Variants in LTBP2 observed in about 807,000 individuals in gnomAD.
LTBP2 encodes latent-transforming growth factor beta-binding protein 2.
In LTBP2, 103 loss-of-function variants were observed where a neutral mutation model predicts 210.6. That is an observed-to-expected ratio of 0.49 (90% CI 0.42 to 0.58). The LOEUF (loss-of-function observed/expected upper bound fraction) is 0.58, where lower values mean the gene tolerates loss of function less well. LTBP2 is among the 20% of genes least tolerant of loss of function. The pLI, the probability that LTBP2 is intolerant of heterozygous loss-of-function variation, is 0.00. For missense variants in LTBP2, 2,313 were observed against 2,494.5 expected, an observed-to-expected ratio of 0.93 and a Z score of 1.55; for synonymous variants, 1,007 against 1,015.0, an observed-to-expected ratio of 0.99 and a Z score of 0.15.
chr14:74,588,944 T>C lies in LTBP2; in HGVS notation c.566-2826A>G, dbSNP rs143041017. On this transcript the variant is annotated intron_variant, in intron 2 of 35. Transcript: ENST00000261978. ...CCCAGAAGGGTGGGCATGGTTCTTCTTCTTCCTCTCTACTATTTCTGAGCC... is the reference window on the plus strand; with the variant it reads ...CCCAGAAGGGTGGGCATGGTTCTTCCTCTTCCTCTCTACTATTTCTGAGCC... 8.3e-3 allele frequency among the ~76,000 whole-genome samples: 1,259 copies of C among 152,302 alleles called. 19 individuals carry two copies. The highest frequency in any genetic ancestry group is 0.025 in the African/African-American group (1,055 of 41,548).
At chr14:74,546,413 C>T (rs1280855624) in intron 8 of LTBP2, among the ~76,000 whole-genome samples, 1 of 152,222 alleles carries the variant, frequency 6.6e-6, no homozygotes, top group Non-Finnish European at 1.5e-5. Context: ...AAGCGAGGTG[C>T]CTGGCACTCT....
chr14:74,579,969 G>A (rs937140561), intron 3 of LTBP2, among the ~76,000 whole-genome samples: 2 of 152,220 alleles, frequency 1.3e-5, no homozygotes, highest in African/African-American at 4.8e-5. Context: ...ATGCTACAAT[G>A]GGCTGAGTCA....
chr14:74,529,450 G>A (rs1257218611), intron 10 of LTBP2, among the ~76,000 whole-genome samples: 2 of 152,306 alleles, frequency 1.3e-5, no homozygotes, highest in Non-Finnish European at 2.9e-5. Context: ...AAGGCCCCAC[G>A]TGTCCCTAGG....
intron 10 of LTBP2, among the ~76,000 whole-genome samples, chr14:74,531,994 C>T (rs1201520628): frequency 6.6e-6 from 1 of 152,180 alleles, no homozygotes; most frequent in Non-Finnish European, 1.5e-5. Flanking sequence ...GCCCTCGGGT[C>T]GGGCAGCAGC....
rs752213527 is a variant in LTBP2 at position 74,507,990 on chromosome 14, T to C, written c.3758A>G (p.Glu1253Gly). The change falls in exon 25 of 36, where the codon GAG becomes GGG. Residue 1253 changes from glutamate (E) to glycine (G), a missense_variant. Physicochemically the swap from Glu to Gly is moderately conservative, Grantham distance 98 (BLOSUM62 -2). Around this residue, in one of 3 missense-constraint regions of LTBP2, gnomAD observed 1,867 missense variants for 1,976.9 expected, o/e 0.94. Transcript: ENST00000261978. ...GCCCTTACCCACACACTCTCCACTC[T>C]CTGGGGAGGGCTGGAAGCCAGTCTC... is the stretch of plus-strand genomic sequence containing the variant. ...LCETGFQPSP[E>G]SGECVDIDEC... The C allele has an allele frequency of 1.2e-6, 2 of 1,613,620 alleles. No individual in the cohort carries two copies. Among genetic ancestry groups the C allele is most frequent in the Non-Finnish European group, 1.7e-6 (2 of 1,179,998 alleles).
At position 74,567,505 on chromosome 14, in the gene LTBP2, G is replaced by A. The variant is rs370747732; in HGVS notation, c.831-11812C>T. On this transcript the variant is annotated intron_variant, in intron 3 of 35. Transcript: ENST00000261978. ...CCCTGAGAGGTTCTCAGGGCTCCAGGAAATGCCCCTCATTTTCTCCCTAGC... is the reference window on the plus strand; with the variant it reads ...CCCTGAGAGGTTCTCAGGGCTCCAGAAAATGCCCCTCATTTTCTCCCTAGC... Among the ~76,000 whole-genome samples the A allele has an allele frequency of 7.9e-5, 12 of 152,218 alleles. No individual in the cohort carries two copies. The South Asian group carries it at 2.3e-3, about 29-fold the overall frequency.
In LTBP2 at chr14:74,585,866, G is replaced by C. The variant is rs143282840; in HGVS notation, c.818C>G (p.Ser273Trp). 2.4e-5 allele frequency: 38 copies of C among 1,613,172 alleles called. 1 individual carries two copies. In the South Asian group the frequency reaches 3.6e-4, roughly 15 times the overall value. The change falls in exon 3 of 36, where the codon TCG (serine) becomes TGG (tryptophan). Residue 273 changes from serine (S) to tryptophan (W), a missense_variant. This residue lies in a region of LTBP2 where 1,867 missense variants were observed against 1,976.9 expected (regional missense o/e 0.94). Transcript: ENST00000261978. ...PAPQSPPAPQ[S>W]PPAGTLSGLS... Reference sequence around the variant, plus strand: ...GAAGGGGACTTACCCAGCTGGTGGCGACTGTGGTGCGGGCGGCGACTGTGG... The same window carrying C: ...GAAGGGGACTTACCCAGCTGGTGGCCACTGTGGTGCGGGCGGCGACTGTGG...
Position 74,509,377 on chromosome 14 carries a change from G to GCGCTCGCC in LTBP2, c.3278-22_3278-15dup. On this transcript the variant is annotated splice_polypyrimidine_tract_variant and intron_variant, in intron 21 of 35. Transcript: ENST00000261978. ...ACTCATCTAGGTCTGCAGACAGACA[G>GCGCTCGCC]CGCTCGCCCGGGGACCTAGGAGGGC... The GCGCTCGCC allele has an allele frequency of 1.2e-6, 2 of 1,612,672 alleles. No individual in the cohort carries two copies. The highest frequency in any genetic ancestry group is 1.7e-6 in the Non-Finnish European group (2 of 1,179,728).
At chr14:74,555,411 GC>G in intron 4 of LTBP2, 91 bp downstream of exon 4, 1 of 1,286,494 alleles carries the variant, frequency 7.8e-7, no homozygotes, top group Non-Finnish European at 1.1e-6. Context: ...TGACAACTCA[GC>G]CCCTCTGTGA....
At chr14:74,516,761 C>G in intron 18 of LTBP2, 61 bp downstream of exon 18, 1 of 1,471,644 alleles carries the variant, frequency 6.8e-7, no homozygotes, top group Non-Finnish European at 9.1e-7. Flanking sequence ...GTGGGCAGTG[C>G]GTAGGGAGGG....
rs777206129 is a variant in LTBP2, at chr14:74,534,639, A to G, written c.1864+1287T>C. 6.6e-4 allele frequency among the ~76,000 whole-genome samples: 101 copies of G among 152,118 alleles called. 1 individual carries two copies. The highest frequency in any genetic ancestry group is 2.2e-3 in the Admixed American group (34 of 15,272). ...CTGATTGTTCAGGGGGTCTGTCTGC[A>G]CTTGGGGCAGGACTGTCTTCTCCAT... On this transcript the variant is annotated intron_variant, in intron 9 of 35. Coordinates refer to ENST00000261978, the MANE Select transcript of LTBP2 (RefSeq NM_000428.3).
intron 8 of LTBP2, among the ~76,000 whole-genome samples, chr14:74,542,456 G>T (rs2087520588): frequency 6.6e-6 from 1 of 152,240 alleles, no homozygotes; most frequent in Non-Finnish European, 1.5e-5. Flanking sequence ...CTGTTTACAA[G>T]CTGTGCCAAT....
At chr14:74,547,915 G>C (rs187428503) in intron 8 of LTBP2, among the ~76,000 whole-genome samples, 35 of 152,244 alleles carry the variant, frequency 2.3e-4, no homozygotes, top group Non-Finnish European at 4.6e-4. Context: ...AGGAGAGCCA[G>C]GGCTGAGCAG....
At chr14:74,604,164 C>CAAACAAAAAAAA (rs1273987376) in intron 1 of LTBP2, among the ~76,000 whole-genome samples, 2 of 72,750 alleles carry the variant, frequency 2.7e-5, no homozygotes, top group Admixed American at 1.8e-4. Context: ...TGCCTCTCAC[C>CAAACAAAAAAAA]AAAAAAAAAA....
intron 3 of LTBP2, among the ~76,000 whole-genome samples, chr14:74,557,265 A>C (rs1411431822): frequency 6.6e-6 from 1 of 152,198 alleles, no homozygotes; most frequent in Admixed American, 6.5e-5. Context: ...CATCTCAAAA[A>C]AGCAAAACAA....
chr14:74,552,487 C>A, intron 5 of LTBP2, 94 bp from the exon 6 acceptor site: 2 of 1,207,718 alleles, frequency 1.7e-6, no homozygotes, highest in South Asian at 1.3e-5. Flanking sequence ...GCGGCAGAAC[C>A]CTGACCCTAG....
At chr14:74,536,903 T>G (rs1566628388) in intron 8 of LTBP2, among the ~76,000 whole-genome samples, 1 of 152,182 alleles carries the variant, frequency 6.6e-6, no homozygotes, top group Non-Finnish European at 1.5e-5. Context: ...ATTTGTCAAT[T>G]AAAATTTTGT....
rs575970014 is a variant in LTBP2, at chr14:74,576,146, G to A, written c.830+9708C>T. The stretch of plus-strand genomic sequence containing the variant: ...CTCCCAGGGCCAAGGGGCACAGGGT[G>A]AGGAAGCACCACCTGTTGGGAGGGC... On this transcript the variant is annotated intron_variant, in intron 3 of 35. Transcript: ENST00000261978. Among the ~76,000 whole-genome samples the A allele has an allele frequency of 5.3e-5, 8 of 152,360 alleles. No homozygotes were observed. The East Asian group carries it at 1.5e-3, about 29-fold the overall frequency.
chr14:74,540,841 A>ATATATTATATATATTATATATATT (rs1566629997), intron 8 of LTBP2, among the ~76,000 whole-genome samples: 2 of 30,230 alleles, frequency 6.6e-5, no homozygotes, highest in East Asian at 1.1e-3. Context: ...ATATATATTT[A>ATATATTATATATATTATATATATT]TATATATTAT....
Sources: allele counts gnomAD v4.1 joint callset (sites outside exome capture counted in the v4.1 genomes callset), GRCh38; gene constraint gnomAD v4.1.1; regional missense constraint gnomAD v4.1.1; transcripts MANE v1.5; gene names NCBI Gene and HGNC (gene_info 2026-07-23, HGNC 2026-07-21).